KIF13B: variants seen among roughly 807,000 people sequenced by gnomAD.
KIF13B encodes kinesin-like protein KIF13B.
In KIF13B, 127 loss-of-function variants were observed where a neutral mutation model predicts 222.0. The observed-to-expected ratio is 0.57, with a 90% CI of 0.50 to 0.66. The LOEUF is 0.66. KIF13B is among the 30% of genes least tolerant of loss of function. The pLI, the probability that KIF13B is intolerant of heterozygous loss-of-function variation, is 0.00. For missense variants in KIF13B, 2,173 were observed against 2,379.0 expected (o/e 0.91, Z 1.80); for synonymous variants, 976 against 919.0 (o/e 1.06, Z -1.12).
In KIF13B at chr8:29,071,943, C is replaced by T. The variant is rs1474905484; in HGVS notation, c.4895G>A (p.Arg1632Gln). The T allele has an allele frequency of 1.0e-5, 14 of 1,382,054 alleles. No individual in the cohort carries two copies. The highest frequency in any genetic ancestry group is 6.5e-5 in the East Asian group (2 of 30,664). The allele number at this position is 1,382,054 out of a possible 1,614,324, so 85.6% of individuals were successfully genotyped here. Reference sequence around the variant, plus strand: ...CGGGGCCTCGAGGTCGGGGCGCTCCCGACCGGGGCTCACGAGCTGCTGGGG... The same window carrying T: ...CGGGGCCTCGAGGTCGGGGCGCTCCTGACCGGGGCTCACGAGCTGCTGGGG... ...PGPQQLVSPG[R>Q]ERPDLEAPAP... Residue 1632 changes from arginine (R) to glutamine (Q), a missense_variant, in exon 39 of 40, where the codon CGG (arginine) becomes CAG (glutamine). By Grantham distance (43) the Arg-to-Gln change is conservative (BLOSUM62 1). Transcript: ENST00000524189. The surrounding 1 kb of genome is among the most constrained non-coding windows in gnomAD (Gnocchi z 4.9).
At chr8:29,256,914 C>T (rs1369756308) in intron 1 of KIF13B, among the ~76,000 whole-genome samples, 1 of 152,130 alleles carries the variant, frequency 6.6e-6, no homozygotes, top group Non-Finnish European at 1.5e-5. Flanking sequence ...ACCACCACAC[C>T]CAGCTAGTTT....
chr8:29,087,476 C>T (rs946812775), intron 37 of KIF13B, among the ~76,000 whole-genome samples: 7 of 152,052 alleles, frequency 4.6e-5, no homozygotes, highest in African/African-American at 1.7e-4. Context: ...ATCTGAAGTT[C>T]CTCATTATTT....
In KIF13B at chr8:29,167,528, C is replaced by T. The variant is rs140358824; in HGVS notation, c.1003G>A (p.Asp335Asn). The T allele has an allele frequency of 7.9e-4, 1,280 of 1,614,034 alleles. 5 individuals are homozygous for T. In the African/African-American group the frequency reaches 0.014, roughly 18 times the overall value. The change falls in exon 11 of 40, where the codon GAT becomes AAT. Residue 335 changes from aspartate (D) to asparagine (N), a missense_variant. Physicochemically the swap from Asp to Asn is conservative, Grantham distance 23 (BLOSUM62 1). Transcript: ENST00000524189. ...AMVATVSPAA[D>N]NYDETLSTLR... is the part of the protein sequence containing the mutation. ...GTTGAGAGGGTTTCATCATAGTTAT[C>T]AGCTGCAGGACTCACAGTAGCCACC... is the stretch of plus-strand genomic sequence containing the variant.
chr8:29,124,156 T>A, intron 26 of KIF13B, 33 bp from the exon 27 acceptor site: 2 of 1,269,940 alleles, frequency 1.6e-6, no homozygotes, highest in Non-Finnish European at 2.3e-6. Context: ...ATATTCAATG[T>A]AATGTCAAGA....
chr8:29,206,367 T>G (rs1813940607), intron 2 of KIF13B, among the ~76,000 whole-genome samples: 1 of 152,246 alleles, frequency 6.6e-6, no homozygotes, highest in South Asian at 2.1e-4. Context: ...TGATTCTGTC[T>G]CATGATGCAA....
At position 29,075,353 on chromosome 8, in the gene KIF13B, C is replaced by A; in HGVS notation, c.4459-10G>T. 6.4e-7 allele frequency: 1 copy of A among 1,555,548 alleles called. No homozygotes were observed. Among genetic ancestry groups the A allele is most frequent in the Non-Finnish European group, 8.7e-7 (1 of 1,149,208 alleles). Reference sequence around the variant, plus strand: ...TGATGCGGGGCACGGGCTGAGGAGGCAAGTGTGCAGGTCAGGGGTCGAGAG... The same window carrying A: ...TGATGCGGGGCACGGGCTGAGGAGGAAAGTGTGCAGGTCAGGGGTCGAGAG... On this transcript the variant is annotated splice_polypyrimidine_tract_variant and intron_variant, in intron 37 of 39. Coordinates refer to ENST00000524189, the MANE Select transcript of KIF13B (RefSeq NM_015254.4).
intron 2 of KIF13B, among the ~76,000 whole-genome samples, chr8:29,232,823 C>T (rs1410577274): frequency 6.6e-6 from 1 of 152,130 alleles, no homozygotes; most frequent in Non-Finnish European, 1.5e-5. Flanking sequence ...GCACCCATAC[C>T]ACTGCCCACT....
intron 13 of KIF13B, 145 bp from the exon 14 acceptor site, chr8:29,156,001 C>T (rs1442113928): frequency 3.5e-6 from 2 of 572,468 alleles, no homozygotes; most frequent in Non-Finnish European, 6.1e-6. Flanking sequence ...CAGAGTCTTG[C>T]TCTATCCCCC....
intron 37 of KIF13B, among the ~76,000 whole-genome samples, chr8:29,079,734 C>T (rs1473770910): frequency 6.6e-6 from 1 of 152,200 alleles, no homozygotes; most frequent in Non-Finnish European, 1.5e-5. Context: ...TCATGGCTAA[C>T]AATCACCCCT....
In KIF13B at chr8:29,160,835, T is replaced by C. The variant is rs761426546; in HGVS notation, c.1302A>G (p.Ile434Met). Residue 434 changes from isoleucine to methionine, a missense_variant, in exon 13 of 40, where the codon ATA (isoleucine) becomes ATG (methionine). Ile to Met is a conservative substitution (Grantham distance 10). Transcript: ENST00000524189. Reference sequence around the variant, plus strand: ...CTTTGATTCCCGAAGACTGAAGAGATATTCCAAGACTCTCAAGCTGTTTCT... The same window carrying C: ...CTTTGATTCCCGAAGACTGAAGAGACATTCCAAGACTCTCAAGCTGTTTCT... Reference protein sequence around the residue: ...ERQKQLESLGISLQSSGIKVG... With the variant: ...ERQKQLESLGMSLQSSGIKVG... The C allele has an allele frequency of 1.9e-6, 3 of 1,613,536 alleles. No homozygotes were observed. The East Asian group carries it at 6.7e-5, about 36-fold the overall frequency.
intron 12 of KIF13B, 148 bp from the exon 13 acceptor site, chr8:29,161,015 T>C (rs1811753232): frequency 4.7e-6 from 3 of 643,468 alleles, no homozygotes; most frequent in Non-Finnish European, 7.4e-6. Flanking sequence ...TTATTGCATT[T>C]TTCTCTTTCC....
intron 36 of KIF13B, among the ~76,000 whole-genome samples, chr8:29,094,635 T>C (rs1808440099): frequency 6.6e-6 from 1 of 152,156 alleles, no homozygotes; most frequent in Non-Finnish European, 1.5e-5. Flanking sequence ...CATGGATATA[T>C]ACAAATACAT....
intron 14 of KIF13B, among the ~76,000 whole-genome samples, chr8:29,150,713 A>C (rs1811258923): frequency 6.6e-6 from 1 of 152,154 alleles, no homozygotes; most frequent in Non-Finnish European, 1.5e-5. Flanking sequence ...TCTGTCATGG[A>C]GGTCTGTGAT....
At chr8:29,152,696 C>T (rs1168270007) in intron 14 of KIF13B, among the ~76,000 whole-genome samples, 3 of 152,020 alleles carry the variant, frequency 2.0e-5, no homozygotes, top group African/African-American at 7.3e-5. Flanking sequence ...ACTGAAACCT[C>T]TGCCTCCCAG....
At chr8:29,186,054 C>G (rs1024910624) in intron 6 of KIF13B, among the ~76,000 whole-genome samples, 1 of 152,198 alleles carries the variant, frequency 6.6e-6, no homozygotes, top group Non-Finnish European at 1.5e-5. Flanking sequence ...CCTCACCTCA[C>G]AGCCCACAAA....
chr8:29,081,036 C>T (rs951938823), intron 37 of KIF13B, among the ~76,000 whole-genome samples: 2 of 152,200 alleles, frequency 1.3e-5, no homozygotes, highest in Non-Finnish European at 2.9e-5. Flanking sequence ...CAGGGTTTCC[C>T]ACTGCAGCAG....
chr8:29,107,661 C>T (rs578083077), intron 35 of KIF13B, among the ~76,000 whole-genome samples: 1 of 151,482 alleles, frequency 6.6e-6, no homozygotes, highest in African/African-American at 2.4e-5. Flanking sequence ...CCGGGGTTCA[C>T]ACCATTCTCC....
chr8:29,183,162 A>C (rs1234365404), intron 6 of KIF13B, among the ~76,000 whole-genome samples: 1 of 142,140 alleles, frequency 7.0e-6, no homozygotes, highest in Non-Finnish European at 1.5e-5. Flanking sequence ...ATAATCCTTA[A>C]AGTTTGTTTT....
At chr8:29,084,122 T>C (rs1180874544) in intron 37 of KIF13B, among the ~76,000 whole-genome samples, 1 of 152,196 alleles carries the variant, frequency 6.6e-6, no homozygotes, top group Admixed American at 6.5e-5. Flanking sequence ...TTCACTGCGA[T>C]GGCCAGGCTG....
Sources: gnomAD v4.1 joint callset for allele counts (sites outside exome capture counted in the v4.1 genomes callset) on GRCh38, gnomAD v4.1.1 for gene constraint, Gnocchi (gnomAD v3.1) non-coding constraint, MANE v1.5 for transcripts, NCBI Gene and HGNC (gene_info 2026-07-23, HGNC 2026-07-21) for gene names.